GPC5: variants seen among roughly 807,000 people sequenced by gnomAD.
GPC5 encodes the protein glypican-5.
Under a neutral mutation model 53.9 loss-of-function variants are expected in GPC5, and 47 were observed. That is an observed-to-expected ratio of 0.87 (90% CI 0.69 to 1.11). GPC5 has a LOEUF of 1.11. GPC5 is among the 50% of genes most tolerant of loss of function. The pLI is 0.00. For synonymous variants in GPC5, 286 were observed against 263.3 expected, an observed-to-expected ratio of 1.09 and a Z score of -0.84; for missense variants, 748 against 713.1, an observed-to-expected ratio of 1.05 and a Z score of -0.56.
intron 2 of GPC5, among the ~76,000 whole-genome samples, chr13:91,689,281 T>C (rs980223662): frequency 5.0e-5 from 7 of 140,710 alleles, no homozygotes; most frequent in Non-Finnish European, 9.2e-5. Flanking sequence ...TACACCTGCA[T>C]AGGGCACATA....
intron 7 of GPC5, among the ~76,000 whole-genome samples, chr13:92,659,592 A>C (rs1315494794): frequency 6.6e-6 from 1 of 152,184 alleles, no homozygotes; most frequent in Admixed American, 6.5e-5. Flanking sequence ...ATATTCATCC[A>C]TTAATTTAAC....
chr13:91,789,219 G>GA (rs113354950), intron 5 of GPC5, among the ~76,000 whole-genome samples: 43 of 141,458 alleles, frequency 3.0e-4, no homozygotes, highest in Middle Eastern at 7.5e-3. Context: ...TCTCAAAAAA[G>GA]AAAAAAAAAA....
At chr13:91,838,969 A>G (rs2138868311) in intron 5 of GPC5, among the ~76,000 whole-genome samples, 1 of 120,330 alleles carries the variant, frequency 8.3e-6, no homozygotes, top group East Asian at 3.6e-4. Flanking sequence ...ATACGTATAT[A>G]CTCAAGGTTT....
intron 5 of GPC5, among the ~76,000 whole-genome samples, chr13:91,788,001 T>G (rs955604258): frequency 1.3e-5 from 2 of 152,196 alleles, no homozygotes; most frequent in Non-Finnish European, 2.9e-5. Context: ...GGTGAGAGCT[T>G]TTTTTTAAAG....
chr13:92,578,930 A>G (rs1883276082), intron 7 of GPC5, among the ~76,000 whole-genome samples: 1 of 152,150 alleles, frequency 6.6e-6, no homozygotes, highest in South Asian at 2.1e-4. Context: ...AATACATCAC[A>G]TGATCCCAAT....
intron 7 of GPC5, among the ~76,000 whole-genome samples, chr13:92,471,430 C>T (rs1307655555): frequency 6.6e-6 from 1 of 151,906 alleles, no homozygotes; most frequent in Non-Finnish European, 1.5e-5. Context: ...AGGGAAGCTC[C>T]AAAGAAACAC....
At chr13:92,852,287 T>G (rs1878841208) in intron 7 of GPC5, among the ~76,000 whole-genome samples, 1 of 152,170 alleles carries the variant, frequency 6.6e-6, no homozygotes, top group African/African-American at 2.4e-5. Flanking sequence ...GTTTAGCAAC[T>G]GTGGTTGTGT....
chr13:91,623,740 G>A (rs1004425988), intron 2 of GPC5, among the ~76,000 whole-genome samples: 5 of 152,076 alleles, frequency 3.3e-5, no homozygotes, highest in African/African-American at 1.2e-4. Flanking sequence ...TAACAACATA[G>A]GACCAATATA....
intron 7 of GPC5, among the ~76,000 whole-genome samples, chr13:92,630,126 T>A (rs966254588): frequency 6.6e-6 from 1 of 152,164 alleles, no homozygotes; most frequent in Non-Finnish European, 1.5e-5. Flanking sequence ...AAAGATTGAT[T>A]TGATAAAATA....
At chr13:92,401,453 T>C (rs1875556188) in intron 7 of GPC5, among the ~76,000 whole-genome samples, 1 of 152,104 alleles carries the variant, frequency 6.6e-6, no homozygotes, top group South Asian at 2.1e-4. Flanking sequence ...TATCCAGCAA[T>C]ATAATAATTC....
intron 7 of GPC5, among the ~76,000 whole-genome samples, chr13:92,605,631 G>A (rs970289217): frequency 3.4e-5 from 5 of 145,740 alleles, no homozygotes; most frequent in East Asian, 3.9e-4. Context: ...CGCCCAGGCC[G>A]GACTGCGGAC....
At chr13:92,359,135 A>G (rs1212449650) in intron 7 of GPC5, among the ~76,000 whole-genome samples, 2 of 151,758 alleles carry the variant, frequency 1.3e-5, no homozygotes, top group Non-Finnish European at 2.9e-5. Context: ...AAGGAGCCAG[A>G]CCACATCTTG....
At chr13:92,177,832 A>C (rs1593965056) in intron 7 of GPC5, among the ~76,000 whole-genome samples, 1 of 152,246 alleles carries the variant, frequency 6.6e-6, no homozygotes, top group East Asian at 1.9e-4. Flanking sequence ...AATTACAACA[A>C]AGCTCAACGA....
chr13:92,325,308 T>A (rs952984351), intron 7 of GPC5, among the ~76,000 whole-genome samples: 1 of 151,944 alleles, frequency 6.6e-6, no homozygotes, highest in African/African-American at 2.4e-5. Context: ...AAGCACATAT[T>A]GATTCAGATT....
chr13:91,907,740 T>G (rs1229022653), intron 5 of GPC5, among the ~76,000 whole-genome samples, 197 bp from the exon 6 acceptor site: 7 of 151,870 alleles, frequency 4.6e-5, no homozygotes, highest in African/African-American at 1.7e-4. Context: ...ATTTTTAGAT[T>G]GATCTAATGG....
At position 91,398,698 on chromosome 13, in the gene GPC5, TGGCGGCAGC is replaced by T; in HGVS notation, c.-345_-337del. ...GCGGCAGTGGCGGCAGTGGCGGCAG[TGGCGGCAGC>T]GGCAGCAGTTGCAGCAGTGGTGGCC... On this transcript the variant is annotated 5_prime_UTR_variant, in exon 1 of 8. Transcript: ENST00000377067. 1.0e-5 allele frequency: 2 copies of T among 195,474 alleles called. No homozygotes were observed. The highest frequency in any genetic ancestry group is 1.6e-3 in the Middle Eastern group (1 of 628). 12.1% of individuals were successfully genotyped at this position (195,474 alleles called of 1,614,324 possible).
rs2042662387 is a variant in GPC5, at chr13:92,247,637, A to G, written c.1561+102648A>G. Among the ~76,000 whole-genome samples the G allele has an allele frequency of 1.3e-5, 2 of 152,138 alleles. 1 individual carries two copies. Among genetic ancestry groups the G allele is most frequent in the South Asian group, 4.1e-4 (2 of 4,826 alleles). On this transcript the variant is annotated intron_variant, in intron 7 of 7. Transcript: ENST00000377067. ...TAATACATAGGAGGTGATCAAAAGG[A>G]CTTAAGATGGAGTCAAATAATCTAA...
At chr13:91,903,985 T>A (rs2039525476) in intron 5 of GPC5, among the ~76,000 whole-genome samples, 2 of 151,972 alleles carry the variant, frequency 1.3e-5, no homozygotes, top group African/African-American at 2.4e-5. Context: ...ATGTCTGTAT[T>A]TTCTGGAGAA....
At chr13:91,824,502 G>T (rs972071386) in intron 5 of GPC5, among the ~76,000 whole-genome samples, 1 of 152,086 alleles carries the variant, frequency 6.6e-6, no homozygotes, top group Non-Finnish European at 1.5e-5. Flanking sequence ...TAAAGTTCCA[G>T]TACTGGCTGA....
Sources: gnomAD v4.1 joint callset for allele counts (sites outside exome capture counted in the v4.1 genomes callset) on GRCh38, gnomAD v4.1.1 for gene constraint, MANE v1.5 for transcripts, NCBI Gene and HGNC (gene_info 2026-07-23, HGNC 2026-07-21) for gene names.